The following SMOC1 variants were observed in gnomAD, a reference collection of about 807,000 sequenced individuals.
The protein encoded by SMOC1 is SPARC related modular calcium binding 1.
Under a neutral mutation model 56.3 loss-of-function variants are expected in SMOC1, and 22 were observed. The ratio of observed to expected loss-of-function variants is 0.39; its 90% confidence interval spans 0.28 to 0.56. SMOC1 has a LOEUF of 0.56. SMOC1 is among the 20% of genes least tolerant of loss of function. The pLI, the probability that SMOC1 is intolerant of heterozygous loss-of-function variation, is 0.61. For synonymous variants in SMOC1, 193 were observed against 215.0 expected, an observed-to-expected ratio of 0.90 and a Z score of 0.89; for missense variants, 509 against 565.4, an observed-to-expected ratio of 0.90 and a Z score of 1.01.
At chr14:69,912,769 T>C (rs1884587335) in intron 1 of SMOC1, among the ~76,000 whole-genome samples, 2 of 152,128 alleles carry the variant, frequency 1.3e-5, no homozygotes. Flanking sequence ...AGTTTTTTTT[T>C]CCCCATGGTA....
At chr14:70,018,194 A>G (rs1885587365) in intron 10 of SMOC1, among the ~76,000 whole-genome samples, 1 of 152,102 alleles carries the variant, frequency 6.6e-6, no homozygotes. Context: ...CTATGGAAGC[A>G]GGATTGGAGG....
At chr14:69,894,903 G>T (rs549756239) in intron 1 of SMOC1, among the ~76,000 whole-genome samples, 4 of 152,184 alleles carry the variant, frequency 2.6e-5, no homozygotes, top group South Asian at 4.1e-4. Context: ...TAATAGGCCC[G>T]CAGTTGAAAG....
At chr14:70,014,202 C>T (rs1258743166) in intron 10 of SMOC1, among the ~76,000 whole-genome samples, 1 of 152,160 alleles carries the variant, frequency 6.6e-6, no homozygotes, top group Non-Finnish European at 1.5e-5. Flanking sequence ...AGAGGCATGT[C>T]CCACCTTCAA....
chr14:69,888,710 AT>A (rs1883878575), intron 1 of SMOC1, among the ~76,000 whole-genome samples: 1 of 152,202 alleles, frequency 6.6e-6, no homozygotes. Flanking sequence ...GTGGAGAAAA[AT>A]TGGACCTGCT....
intron 5 of SMOC1, among the ~76,000 whole-genome samples, chr14:69,989,021 T>C (rs1884469921): frequency 6.6e-6 from 1 of 152,228 alleles, no homozygotes; most frequent in Admixed American, 6.5e-5. Flanking sequence ...TACATGTCTT[T>C]GTGTGGGCAT....
chr14:69,930,832 G>A (rs1158931346), intron 1 of SMOC1, among the ~76,000 whole-genome samples: 3 of 152,330 alleles, frequency 2.0e-5, no homozygotes, highest in Non-Finnish European at 2.9e-5. Flanking sequence ...CATTGCATTT[G>A]CTGAAGTAGG....
chr14:69,885,318 C>T, intron 1 of SMOC1: 1 of 1,118,004 alleles, frequency 8.9e-7, no homozygotes, highest in Non-Finnish European at 1.3e-6. Flanking sequence ...TTTTTATGTA[C>T]AGAAAACTCA....
rs111961503 is a variant in SMOC1 at position 69,975,831 on chromosome 14, C to T, written c.478+17C>T. The T allele has an allele frequency of 4.0e-4, 635 of 1,577,986 alleles. 6 individuals are homozygous for T. The East Asian group carries it at 8.4e-3, about 21-fold the overall frequency. Reference sequence around the variant, plus strand: ...TATGTTCAGGTACCGTAGGGAGGGGCGGGAAGAATGAAAAGGGTTGGAGAG... The same window carrying T: ...TATGTTCAGGTACCGTAGGGAGGGGTGGGAAGAATGAAAAGGGTTGGAGAG... On this transcript the variant is annotated intron_variant, in intron 4 of 11. Transcript: ENST00000361956.
chr14:70,023,084 C>A, intron 10 of SMOC1, 119 bp from the exon 11 acceptor site: 1 of 1,517,530 alleles, frequency 6.6e-7, no homozygotes, highest in Non-Finnish European at 9.1e-7. Context: ...TGTGGGTGGA[C>A]TTTGGCTTGG....
At chr14:70,023,599 A>G (rs1885814935) in intron 11 of SMOC1, 152 bp downstream of exon 11, 8 of 1,187,064 alleles carry the variant, frequency 6.7e-6, no homozygotes, top group Admixed American at 1.9e-5. Flanking sequence ...GATGTTTGAG[A>G]CAGTGGTGGA....
At chr14:70,010,420 C>G (rs770522307) in intron 7 of SMOC1, among the ~76,000 whole-genome samples, 3 of 152,230 alleles carry the variant, frequency 2.0e-5, no homozygotes, top group Non-Finnish European at 4.4e-5. Context: ...ACTCTGAAAA[C>G]ATTGAGATAT....
At chr14:70,019,639 T>C (rs1469928712) in intron 10 of SMOC1, among the ~76,000 whole-genome samples, 1 of 152,040 alleles carries the variant, frequency 6.6e-6, no homozygotes, top group African/African-American at 2.4e-5. Context: ...GGGCAAGGCT[T>C]TGGGCTTTCT....
At chr14:69,983,319 A>C (rs764232782) in intron 5 of SMOC1, among the ~76,000 whole-genome samples, 19 of 152,212 alleles carry the variant, frequency 1.2e-4, no homozygotes, top group Non-Finnish European at 2.8e-4. Flanking sequence ...TGGTGCTTTT[A>C]CTCAGCAAAT....
intron 1 of SMOC1, among the ~76,000 whole-genome samples, chr14:69,929,557 A>T (rs1460594009): frequency 6.6e-6 from 1 of 152,136 alleles, no homozygotes; most frequent in African/African-American, 2.4e-5. Context: ...GATGCCTGAG[A>T]AACCGAGTGC....
At chr14:69,926,011 C>T (rs1232472602) in intron 1 of SMOC1, among the ~76,000 whole-genome samples, 1 of 151,694 alleles carries the variant, frequency 6.6e-6, no homozygotes, top group Non-Finnish European at 1.5e-5. Flanking sequence ...AACTCTCTGT[C>T]ACCGAGGCCC....
chr14:69,944,286 A>G (rs77176385), intron 1 of SMOC1, among the ~76,000 whole-genome samples: 139 of 152,272 alleles, frequency 9.1e-4, no homozygotes, highest in African/African-American at 3.3e-3. Context: ...CCTGTTTTGG[A>G]AGGCAGCAGC....
Position 70,013,419 on chromosome 14 carries a change from C to A in SMOC1, c.974C>A (p.Thr325Asn). The part of the protein sequence containing the change: ...CPEGKKMEFI[T>N]SLLDALTTDM... ...GAAGGGAAGAAAATGGAGTTTATCA[C>A]CAGCCTACTGGATGCTCTCACCACT... The change falls in exon 10 of 12, where the codon ACC (threonine) becomes AAC (asparagine). Residue 325 changes from threonine (T) to asparagine (N), a missense_variant. This residue lies in a region of SMOC1 where 176 missense variants were observed against 188.1 expected (regional missense o/e 0.94). Transcript: ENST00000361956. The A allele has an allele frequency of 6.2e-7, 1 of 1,614,160 alleles. No homozygotes were observed. The highest frequency in any genetic ancestry group is 8.5e-7 in the Non-Finnish European group (1 of 1,180,020).
intron 5 of SMOC1, among the ~76,000 whole-genome samples, chr14:69,983,311 G>A (rs1028043866): frequency 2.0e-5 from 3 of 152,182 alleles, no homozygotes; most frequent in African/African-American, 7.2e-5. Context: ...TTTACGCTTG[G>A]TGCTTTTACT....
At position 69,931,105 on chromosome 14, in the gene SMOC1, G is replaced by A. The variant is rs1471217897; in HGVS notation, c.100-21033G>A. ...GACTTTCCTACCCAAGCTTCCACGGGTTCTTTCTGGGCCACAGAACTGAGG... is the reference window on the plus strand; with the variant it reads ...GACTTTCCTACCCAAGCTTCCACGGATTCTTTCTGGGCCACAGAACTGAGG... On this transcript the variant is annotated intron_variant, in intron 1 of 11. Coordinates refer to ENST00000361956, the MANE Select transcript of SMOC1 (RefSeq NM_001034852.3). Among the ~76,000 whole-genome samples, 7 of 152,266 alleles carry A rather than the reference G, an allele frequency of 4.6e-5. No homozygotes were observed. In the East Asian group the frequency reaches 1.4e-3, roughly 29 times the overall value.
Sources: gnomAD v4.1 joint callset for allele counts (sites outside exome capture counted in the v4.1 genomes callset) on GRCh38, gnomAD v4.1.1 for gene constraint, gnomAD v4.1.1 regional missense constraint, MANE v1.5 for transcripts, NCBI Gene and HGNC (gene_info 2026-07-23, HGNC 2026-07-21) for gene names.